Variants in NFIA observed in about 807,000 individuals in gnomAD.
NFIA encodes nuclear factor I A.
In NFIA, 8 loss-of-function variants were observed where a neutral mutation model predicts 62.8. The observed-to-expected ratio is 0.13, with a 90% CI of 0.07 to 0.23. NFIA has a LOEUF of 0.23. NFIA is among the 10% of genes least tolerant of loss of function. The probability of loss-of-function intolerance (pLI) is 1.00; values close to 1 mark genes in which losing one functional copy is unlikely to be tolerated. For missense variants in NFIA, 410 were observed against 642.1 expected, an observed-to-expected ratio of 0.64 and a Z score of 3.91; for synonymous variants, 235 against 238.1, an observed-to-expected ratio of 0.99 and a Z score of 0.12.
chr1:61,226,860 G>A (rs1402717482), intron 2 of NFIA, among the ~76,000 whole-genome samples: 1 of 152,208 alleles, frequency 6.6e-6, no homozygotes, highest in Admixed American at 6.5e-5. Flanking sequence ...ACCTGGCTGT[G>A]CATTCAGCCA....
chr1:61,221,136 T>G (rs1653990084), intron 2 of NFIA, among the ~76,000 whole-genome samples: 1 of 152,180 alleles, frequency 6.6e-6, no homozygotes, highest in Non-Finnish European at 1.5e-5. Flanking sequence ...TATCTGAAGA[T>G]TGGCAAACTT....
chr1:61,258,742 T>G (rs1195732560), intron 2 of NFIA, among the ~76,000 whole-genome samples: 3 of 152,148 alleles, frequency 2.0e-5, no homozygotes, highest in Middle Eastern at 3.2e-3. Context: ...TTTTTTTATT[T>G]TTTTGAAACA....
At chr1:61,410,549 G>A (rs1480303014) in intron 9 of NFIA, among the ~76,000 whole-genome samples, 16 of 152,186 alleles carry the variant, frequency 1.1e-4, no homozygotes, top group South Asian at 2.1e-4. Context: ...ACTGTATGAT[G>A]TAAAACAGCC....
intron 2 of NFIA, among the ~76,000 whole-genome samples, chr1:61,259,980 A>G (rs332837): frequency 0.26 from 39,354 of 152,018 alleles, 5,319 homozygotes; most frequent in Middle Eastern, 0.41. Flanking sequence ...GACTTTTGAG[A>G]TTGCAATAGC....
At chr1:61,257,197 G>C (rs1656453248) in intron 2 of NFIA, among the ~76,000 whole-genome samples, 1 of 152,074 alleles carries the variant, frequency 6.6e-6, no homozygotes, top group African/African-American at 2.4e-5. Flanking sequence ...TAGGTTGTGG[G>C]AATGTGAGAG....
intron 2 of NFIA, among the ~76,000 whole-genome samples, chr1:61,150,527 A>G (rs1165021525): frequency 3.3e-5 from 5 of 152,204 alleles, no homozygotes; most frequent in Non-Finnish European, 5.9e-5. Context: ...CTTTGAATAA[A>G]TATATACTGA....
chr1:61,367,031 C>T (rs573964406), intron 6 of NFIA, among the ~76,000 whole-genome samples: 5 of 152,182 alleles, frequency 3.3e-5, no homozygotes, highest in South Asian at 2.1e-4. Context: ...AAGAATATTT[C>T]GGTAAACATC....
chr1:61,159,752 G>T (rs1264318539), intron 2 of NFIA, among the ~76,000 whole-genome samples: 1 of 148,176 alleles, frequency 6.7e-6, no homozygotes, highest in East Asian at 2.0e-4. Context: ...CTCGATCTCG[G>T]CTCATTGCAA....
chr1:61,453,738 T>C (rs1313155030), intron 10 of NFIA, among the ~76,000 whole-genome samples: 1 of 152,202 alleles, frequency 6.6e-6, no homozygotes, highest in African/African-American at 2.4e-5. Flanking sequence ...CTAACGTGGA[T>C]GAGAGTCAGC....
intron 4 of NFIA, among the ~76,000 whole-genome samples, chr1:61,341,390 G>A (rs72666621): frequency 0.012 from 1,837 of 152,138 alleles, 22 homozygotes; most frequent in Non-Finnish European, 0.019. Flanking sequence ...TAGTTTTACA[G>A]TATTTTAAAA....
chr1:61,416,067 T>C (rs1666334618), intron 9 of NFIA, among the ~76,000 whole-genome samples: 1 of 152,108 alleles, frequency 6.6e-6, no homozygotes, highest in Non-Finnish European at 1.5e-5. Flanking sequence ...GAAATATGTA[T>C]GGAATGCTGC....
chr1:61,287,249 T>C (rs182270716), intron 3 of NFIA, among the ~76,000 whole-genome samples: 21 of 152,324 alleles, frequency 1.4e-4, no homozygotes, highest in African/African-American at 4.8e-4. Flanking sequence ...ATTCATAGCA[T>C]TGTTAAGGAA....
chr1:61,264,887 A>C (rs774409911), intron 2 of NFIA, among the ~76,000 whole-genome samples: 2 of 152,168 alleles, frequency 1.3e-5, no homozygotes, highest in Non-Finnish European at 2.9e-5. Context: ...AGATGGAATG[A>C]ACTTTGGGTG....
intron 2 of NFIA, among the ~76,000 whole-genome samples, chr1:61,203,627 A>G (rs1348654946): frequency 1.3e-5 from 2 of 151,828 alleles, no homozygotes; most frequent in African/African-American, 2.4e-5. Context: ...CCTTCTACCC[A>G]TTGTACATGG....
intron 4 of NFIA, among the ~76,000 whole-genome samples, chr1:61,346,690 C>T (rs1006436217): frequency 6.6e-6 from 1 of 152,164 alleles, no homozygotes; most frequent in African/African-American, 2.4e-5. Flanking sequence ...TTCTGATTTC[C>T]CCACCTCCAG....
intron 10 of NFIA, among the ~76,000 whole-genome samples, chr1:61,443,157 C>T (rs748844094): frequency 1.3e-5 from 2 of 152,040 alleles, no homozygotes; most frequent in Non-Finnish European, 2.9e-5. Flanking sequence ...AGTGACGGCT[C>T]AATATTGCAC....
intron 2 of NFIA, among the ~76,000 whole-genome samples, chr1:61,191,333 T>C (rs1006328441): frequency 6.6e-6 from 1 of 152,136 alleles, no homozygotes; most frequent in Non-Finnish European, 1.5e-5. Flanking sequence ...TAGTAGTATT[T>C]AAAGTCTCAA....
intron 2 of NFIA, among the ~76,000 whole-genome samples, chr1:61,257,994 G>A (rs992866748): frequency 6.6e-6 from 1 of 150,626 alleles, no homozygotes; most frequent in Non-Finnish European, 1.5e-5. Flanking sequence ...TGTAATCCTG[G>A]ACCCTTAATC....
At chr1:61,306,093 G>T (rs1036927517) in intron 3 of NFIA, among the ~76,000 whole-genome samples, 3 of 151,368 alleles carry the variant, frequency 2.0e-5, no homozygotes, top group African/African-American at 7.3e-5. Context: ...CTCGTGATCC[G>T]CCCGCCTTGG....
Sources: allele counts gnomAD v4.1 joint callset (sites outside exome capture counted in the v4.1 genomes callset), GRCh38; gene constraint gnomAD v4.1.1; transcripts MANE v1.5; gene names NCBI Gene and HGNC (gene_info 2026-07-23, HGNC 2026-07-21).